Variants in GNG12 observed in about 807,000 individuals in gnomAD.
The protein encoded by GNG12 is guanine nucleotide-binding protein G(I)/G(S)/G(O) subunit gamma-12.
For synonymous variants in GNG12, 28 were observed against 29.7 expected, an observed-to-expected ratio of 0.94 and a Z score of 0.19; for missense variants, 69 against 83.8, an observed-to-expected ratio of 0.82 and a Z score of 0.69.
At chr1:67,768,042 G>T (rs966857201) in intron 2 of GNG12, among the ~76,000 whole-genome samples, 1 of 152,236 alleles carries the variant, frequency 6.6e-6, no homozygotes, top group Non-Finnish European at 1.5e-5. Flanking sequence ...CTACCAATGA[G>T]CTGGGACTAT....
chr1:67,714,082 C>T (rs575842260), intron 2 of GNG12, among the ~76,000 whole-genome samples: 2 of 152,122 alleles, frequency 1.3e-5, no homozygotes, highest in African/African-American at 4.8e-5. Flanking sequence ...TTGGTTGGGC[C>T]CCATACAGTG....
chr1:67,722,934 G>A (rs11805743), intron 2 of GNG12, among the ~76,000 whole-genome samples: 4,915 of 152,128 alleles, frequency 0.032, 228 homozygotes, highest in African/African-American at 0.1. Context: ...CTCTCCCTGA[G>A]CCCTCAGATT....
intron 2 of GNG12, among the ~76,000 whole-genome samples, chr1:67,766,315 G>A (rs1164310294): frequency 6.6e-6 from 1 of 152,158 alleles, no homozygotes; most frequent in Non-Finnish European, 1.5e-5. Context: ...GCATTTCACC[G>A]AAAGGGGAAA....
At chr1:67,814,910 G>C (rs1024922568) in intron 1 of GNG12, among the ~76,000 whole-genome samples, 1 of 152,186 alleles carries the variant, frequency 6.6e-6, no homozygotes, top group Non-Finnish European at 1.5e-5. Context: ...GAGTTGTAAT[G>C]CCAGGTCAAC....
intron 2 of GNG12, among the ~76,000 whole-genome samples, chr1:67,755,087 G>A (rs1199916033): frequency 3.3e-5 from 5 of 152,232 alleles, no homozygotes; most frequent in African/African-American, 4.8e-5. Context: ...ATAAGAAACA[G>A]TTCTTTATCT....
intron 2 of GNG12, among the ~76,000 whole-genome samples, chr1:67,775,355 G>C (rs1401710860): frequency 6.6e-6 from 1 of 152,210 alleles, no homozygotes; most frequent in African/African-American, 2.4e-5. Context: ...GCCAACTAGA[G>C]TGCAATCACA....
intron 1 of GNG12, among the ~76,000 whole-genome samples, chr1:67,807,168 A>C (rs1384494609): frequency 1.3e-5 from 2 of 152,172 alleles, no homozygotes; most frequent in Non-Finnish European, 2.9e-5. Context: ...TAGAGATTAA[A>C]CAACACACTT....
chr1:67,826,438 T>C (rs1337117006), intron 1 of GNG12, among the ~76,000 whole-genome samples: 2 of 152,240 alleles, frequency 1.3e-5, no homozygotes, highest in African/African-American at 2.4e-5. Flanking sequence ...AAGGTATCCC[T>C]GTCAAGAAGT....
chr1:67,726,256 G>A (rs955566855), intron 2 of GNG12, among the ~76,000 whole-genome samples: 3 of 152,208 alleles, frequency 2.0e-5, no homozygotes, highest in African/African-American at 7.2e-5. Context: ...TCACCCATGA[G>A]AGTCTTTAAG....
Position 67,792,195 on chromosome 1 carries a change from C to A in GNG12, c.-76-14688G>T, listed in dbSNP as rs1646805292. Among the ~76,000 whole-genome samples the A allele has an allele frequency of 2.0e-5, 3 of 151,274 alleles. No individual in the cohort carries two copies. The South Asian group carries it at 6.3e-4, about 32-fold the overall frequency. ...ATCTATTGAATTATTCCCTCTCCTT[C>A]ACTGGAATGTCAATGCCGTAAGAAA... On this transcript the variant is annotated intron_variant, in intron 1 of 3. Transcript: ENST00000370982.
intron 2 of GNG12, among the ~76,000 whole-genome samples, chr1:67,737,264 A>G (rs1646457420): frequency 6.6e-6 from 1 of 152,266 alleles, no homozygotes; most frequent in Non-Finnish European, 1.5e-5. Context: ...GGATTTTGAA[A>G]CTAGCTAAAG....
At chr1:67,748,661 T>A (rs1646520567) in intron 2 of GNG12, among the ~76,000 whole-genome samples, 2 of 152,176 alleles carry the variant, frequency 1.3e-5, no homozygotes, top group South Asian at 4.1e-4. Flanking sequence ...ATCTAGTCCC[T>A]ACAGAAACTG....
At chr1:67,777,834 G>A (rs1400044393) in intron 1 of GNG12, among the ~76,000 whole-genome samples, 1 of 152,092 alleles carries the variant, frequency 6.6e-6, no homozygotes, top group Non-Finnish European at 1.5e-5. Context: ...ATCTCTTTAT[G>A]CTAGGGCCCA....
intron 1 of GNG12, among the ~76,000 whole-genome samples, chr1:67,812,098 A>G (rs923429431): frequency 2.6e-5 from 4 of 152,196 alleles, no homozygotes; most frequent in African/African-American, 4.8e-5. Flanking sequence ...TAAGCAAGTT[A>G]TTATAAAAGC....
intron 1 of GNG12, among the ~76,000 whole-genome samples, chr1:67,789,011 G>A (rs918009109): frequency 6.6e-6 from 1 of 152,212 alleles, no homozygotes; most frequent in Non-Finnish European, 1.5e-5. Context: ...CAGTGCTGTT[G>A]ACTAAAGCAG....
At chr1:67,757,670 C>A (rs1175815418) in intron 2 of GNG12, among the ~76,000 whole-genome samples, 1 of 152,170 alleles carries the variant, frequency 6.6e-6, no homozygotes, top group Non-Finnish European at 1.5e-5. Context: ...TGACTGTTGC[C>A]TTCCCTCCAG....
intron 2 of GNG12, among the ~76,000 whole-genome samples, chr1:67,765,425 T>C (rs146425804): frequency 6.6e-4 from 100 of 152,264 alleles, no homozygotes; most frequent in Non-Finnish European, 1.1e-3. Context: ...AGACAAAAGA[T>C]GGTAGATAAG....
chr1:67,763,844 T>TA (rs1290101465), intron 2 of GNG12, among the ~76,000 whole-genome samples: 12 of 152,204 alleles, frequency 7.9e-5, no homozygotes, highest in African/African-American at 2.9e-4. Context: ...TTAAGATTGT[T>TA]ACTATATTAA....
intron 2 of GNG12, among the ~76,000 whole-genome samples, chr1:67,733,246 G>A (rs1278548310): frequency 6.6e-6 from 1 of 152,120 alleles, no homozygotes; most frequent in Non-Finnish European, 1.5e-5. Flanking sequence ...TGGGGTGTTT[G>A]CCTTTTCTTC....
Sources: allele counts gnomAD v4.1 joint callset (sites outside exome capture counted in the v4.1 genomes callset), GRCh38; gene constraint gnomAD v4.1.1; transcripts MANE v1.5; gene names NCBI Gene and HGNC (gene_info 2026-07-23, HGNC 2026-07-21).